NIPAL2: variants seen among roughly 807,000 people sequenced by gnomAD.
The protein encoded by NIPAL2 is NIPA like domain containing 2, also known as NIPA-like protein 2.
Under a neutral mutation model 48.9 loss-of-function variants are expected in NIPAL2, and 43 were observed. That is an observed-to-expected ratio of 0.88 (90% CI 0.69 to 1.13). NIPAL2 has a LOEUF of 1.13. Among genes scored for constraint, NIPAL2 ranks in the 50% most tolerant of loss-of-function variants. The probability of loss-of-function intolerance (pLI) is 0.00; values close to 1 mark genes in which losing one functional copy is unlikely to be tolerated. For missense variants in NIPAL2, 446 were observed against 461.4 expected (o/e 0.97, Z 0.31); for synonymous variants, 167 against 174.6 (o/e 0.96, Z 0.34).
chr8:98,213,711 A>C (rs1811433126), intron 5 of NIPAL2, among the ~76,000 whole-genome samples: 1 of 151,964 alleles, frequency 6.6e-6, no homozygotes, highest in Admixed American at 6.6e-5. Context: ...TGATCTTTGC[A>C]CAATGCCTCC....
chr8:98,215,246 G>A (rs1036446470), intron 5 of NIPAL2, among the ~76,000 whole-genome samples: 10 of 152,208 alleles, frequency 6.6e-5, no homozygotes, highest in African/African-American at 2.4e-4. Context: ...AATAAAACAT[G>A]AGTTCCCATT....
At chr8:98,224,611 G>A (rs371567024) in intron 4 of NIPAL2, among the ~76,000 whole-genome samples, 3 of 151,718 alleles carry the variant, frequency 2.0e-5, no homozygotes, top group East Asian at 3.9e-4. Context: ...GTATATCTTC[G>A]TTGCGTTTCT....
intron 1 of NIPAL2, among the ~76,000 whole-genome samples, chr8:98,255,081 T>C (rs1813802004): frequency 6.6e-6 from 1 of 151,900 alleles, no homozygotes; most frequent in Non-Finnish European, 1.5e-5. Context: ...TTCTTTCTAT[T>C]GGGTCTTCTG....
intron 1 of NIPAL2, among the ~76,000 whole-genome samples, chr8:98,263,965 G>GCTGGTT (rs1814536785): frequency 7.2e-6 from 1 of 138,562 alleles, no homozygotes; most frequent in Non-Finnish European, 1.6e-5. Flanking sequence ...GGGATGCAAG[G>GCTGGTT]CTGGTTCAAT....
chr8:98,288,057 T>C (rs1816277460), intron 1 of NIPAL2, among the ~76,000 whole-genome samples: 1 of 152,182 alleles, frequency 6.6e-6, no homozygotes, highest in Non-Finnish European at 1.5e-5. Flanking sequence ...TTAATTATTA[T>C]ACTTTAAGTT....
At chr8:98,205,866 A>G (rs1811008441) in intron 6 of NIPAL2, among the ~76,000 whole-genome samples, 1 of 152,240 alleles carries the variant, frequency 6.6e-6, no homozygotes, top group Non-Finnish European at 1.5e-5. Context: ...TGGAAGCAGG[A>G]GCAGAGTTGA....
chr8:98,218,027 T>C (rs1468522659), intron 5 of NIPAL2, among the ~76,000 whole-genome samples: 1 of 152,224 alleles, frequency 6.6e-6, no homozygotes, highest in Non-Finnish European at 1.5e-5. Context: ...GTACTTTTTG[T>C]GGAAATACAC....
At chr8:98,276,444 C>T (rs949963671) in intron 1 of NIPAL2, among the ~76,000 whole-genome samples, 2 of 152,098 alleles carry the variant, frequency 1.3e-5, no homozygotes, top group Admixed American at 6.5e-5. Flanking sequence ...TCTGGATGTA[C>T]CACAGTTTAT....
At chr8:98,218,320 A>G (rs1811673287) in intron 5 of NIPAL2, among the ~76,000 whole-genome samples, 1 of 152,254 alleles carries the variant, frequency 6.6e-6, no homozygotes, top group South Asian at 2.1e-4. Context: ...AAAGTATAAA[A>G]AACAGAACTA....
In NIPAL2 at chr8:98,254,016, T is replaced by G; in HGVS notation, c.204+3A>C. 6.2e-7 allele frequency: 1 copy of G among 1,602,706 alleles called. No individual in the cohort carries two copies. The highest frequency in any genetic ancestry group is 1.1e-5 in the South Asian group (1 of 90,258). On this transcript the variant is annotated splice_donor_region_variant and intron_variant, in intron 2 of 10. Transcript: ENST00000430223. Reference sequence around the variant, plus strand: ...GTGTTAGAAAAATAAGCTTTTTTCTTACCTGAATATTTAGAGAAATACTGA... The same window carrying G: ...GTGTTAGAAAAATAAGCTTTTTTCTGACCTGAATATTTAGAGAAATACTGA...
intron 3 of NIPAL2, among the ~76,000 whole-genome samples, chr8:98,242,489 T>TTTTTTGTTTTTTTG (rs1491319235): frequency 0.036 from 509 of 14,100 alleles, 10 homozygotes; most frequent in African/African-American, 0.067. Flanking sequence ...ACCTGACAGA[T>TTTTTTGTTTTTTTG]TTTTTTTTTT....
chr8:98,266,664 C>G (rs954740439), intron 1 of NIPAL2, among the ~76,000 whole-genome samples: 2 of 151,290 alleles, frequency 1.3e-5, no homozygotes, highest in African/African-American at 4.9e-5. Context: ...ATGGGCTGAT[C>G]AAAGAGGGCC....
chr8:98,231,149 C>T (rs747168689), intron 4 of NIPAL2, among the ~76,000 whole-genome samples: 6 of 152,124 alleles, frequency 3.9e-5, no homozygotes, highest in Non-Finnish European at 7.3e-5. Flanking sequence ...GAAATACCCT[C>T]CCATAAGTAC....
chr8:98,209,226 GA>G (rs1811186956), intron 6 of NIPAL2, among the ~76,000 whole-genome samples: 1 of 152,074 alleles, frequency 6.6e-6, no homozygotes, highest in Non-Finnish European at 1.5e-5. Flanking sequence ...ATCTGGCCAG[GA>G]AGAGGGGCTC....
chr8:98,243,044 G>A (rs1813081826), intron 3 of NIPAL2, among the ~76,000 whole-genome samples: 1 of 152,198 alleles, frequency 6.6e-6, no homozygotes, highest in Admixed American at 6.5e-5. Flanking sequence ...GAAGACAGCA[G>A]GAATACTATC....
At chr8:98,278,653 C>T (rs13264971) in intron 1 of NIPAL2, among the ~76,000 whole-genome samples, 67,652 of 151,980 alleles carry the variant, frequency 0.45, 16,385 homozygotes, top group Non-Finnish European at 0.56. Context: ...AGACTATAAG[C>T]TCCTTGAAGG....
intron 3 of NIPAL2, among the ~76,000 whole-genome samples, chr8:98,249,813 A>G (rs1480229670): frequency 6.7e-6 from 1 of 149,184 alleles, no homozygotes; most frequent in Non-Finnish European, 1.5e-5. Flanking sequence ...AATATATTAC[A>G]CTCAAAGTAT....
intron 4 of NIPAL2, among the ~76,000 whole-genome samples, chr8:98,235,277 A>G (rs1474866125): frequency 1.3e-5 from 2 of 152,194 alleles, no homozygotes; most frequent in Non-Finnish European, 2.9e-5. Flanking sequence ...ACGGAAGAAA[A>G]TATGAATCTC....
intron 1 of NIPAL2, among the ~76,000 whole-genome samples, chr8:98,290,662 G>A (rs550671503): frequency 2.0e-5 from 3 of 152,304 alleles, no homozygotes; most frequent in South Asian, 4.1e-4. Flanking sequence ...AGCACTGGTT[G>A]CAAATTAAAT....
Sources: gnomAD v4.1 joint callset for allele counts (sites outside exome capture counted in the v4.1 genomes callset) on GRCh38, gnomAD v4.1.1 for gene constraint, MANE v1.5 for transcripts, NCBI Gene and HGNC (gene_info 2026-07-23, HGNC 2026-07-21) for gene names.